Variants in AGAP1 observed in about 807,000 individuals in gnomAD.
AGAP1 encodes ArfGAP with GTPase domain, ankyrin repeat and PH domain 1, also known as arf-GAP with GTPase, ANK repeat and PH domain-containing protein 1.
A neutral mutation model predicts 105.3 loss-of-function variants in AGAP1; 29 were observed. That is an observed-to-expected ratio of 0.28 (90% CI 0.21 to 0.38). AGAP1 has a LOEUF of 0.38. AGAP1 is among the 10% of genes least tolerant of loss of function. The pLI is 1.00. For synonymous variants in AGAP1, 509 were observed against 485.9 expected (o/e 1.05, Z -0.63); for missense variants, 998 against 1,165.1 (o/e 0.86, Z 2.09).
intron 1 of AGAP1, among the ~76,000 whole-genome samples, chr2:235,502,987 T>C (rs1366959623): frequency 6.6e-6 from 1 of 152,158 alleles, no homozygotes; most frequent in Non-Finnish European, 1.5e-5. Flanking sequence ...TGACTTGTAG[T>C]ATGGAGGATA....
chr2:235,870,205 T>C (rs1354582811), intron 9 of AGAP1, among the ~76,000 whole-genome samples: 3 of 152,130 alleles, frequency 2.0e-5, no homozygotes, highest in Non-Finnish European at 2.9e-5. Context: ...TTCATGGCCT[T>C]GTCGTCTACA....
chr2:235,848,871 C>T (rs1961828124), intron 9 of AGAP1, among the ~76,000 whole-genome samples: 1 of 152,120 alleles, frequency 6.6e-6, no homozygotes, highest in African/African-American at 2.4e-5. Context: ...GAATTGTATT[C>T]GGGGCTGCTT....
chr2:236,033,414 C>G (rs986536529), intron 13 of AGAP1, among the ~76,000 whole-genome samples: 5 of 152,174 alleles, frequency 3.3e-5, no homozygotes, highest in African/African-American at 9.7e-5. Context: ...CATAATTAAT[C>G]GGGCAGAGCC....
At position 235,752,336 on chromosome 2, in the gene AGAP1, C is replaced by G. The variant is rs756833201; in HGVS notation, c.673+1848C>G. ...GGAATTACAGGTACACGCTGCCACA[C>G]CTGGCTAATTTTTTGCATTTTAGTA... On this transcript the variant is annotated intron_variant, in intron 6 of 17. Transcript: ENST00000304032. This position sits in a 1 kb window ranked among gnomAD's most constrained non-coding sequence, Gnocchi z 4.3. Among the ~76,000 whole-genome samples the G allele has an allele frequency of 3.9e-5, 6 of 151,998 alleles. No homozygotes were observed. The highest frequency in any genetic ancestry group is 5.9e-5 in the Non-Finnish European group (4 of 68,046).
intron 1 of AGAP1, among the ~76,000 whole-genome samples, chr2:235,707,217 C>T (rs980552677): frequency 6.6e-6 from 1 of 152,204 alleles, no homozygotes; most frequent in African/African-American, 2.4e-5. Flanking sequence ...TTCCTCAGGG[C>T]TCTTGGGCTT....
Position 235,723,476 on chromosome 2 carries a change from T to C in AGAP1, c.310+5832T>C, listed in dbSNP as rs182179832. Among the ~76,000 whole-genome samples, 134 of 151,746 alleles carry C rather than the reference T, an allele frequency of 8.8e-4. 3 individuals are homozygous for C. In the East Asian group the frequency reaches 0.021, roughly 24 times the overall value. On this transcript the variant is annotated intron_variant, in intron 3 of 17. Transcript: ENST00000304032. This position sits in a 1 kb window ranked among gnomAD's most constrained non-coding sequence, Gnocchi z 6.2. ...CTTCACCCCCTGCAGGTGGGGAGAG[T>C]GTGGCGTCCTCCTGAGATCTTTTCA...
In AGAP1 at chr2:236,114,683, C is replaced by T. The variant is rs528080398; in HGVS notation, c.2115-5509C>T. On this transcript the variant is annotated intron_variant, in intron 16 of 17. Coordinates refer to ENST00000304032, the MANE Select transcript of AGAP1 (RefSeq NM_001037131.3). The surrounding 1 kb of genome is among the most constrained non-coding windows in gnomAD (Gnocchi z 5.0). ...ATCACCAGTGTCTCGTCCTCTTATA[C>T]GGGCACCTGGCTTATTGAATTAGGG... Among the ~76,000 whole-genome samples, 5 of 152,148 alleles carry T rather than the reference C, an allele frequency of 3.3e-5. No individual in the cohort carries two copies. The highest frequency in any genetic ancestry group is 6.5e-5 in the Admixed American group (1 of 15,282).
rs1239521779 is a variant in AGAP1, at chr2:236,082,510, G to A, written c.2114+33229G>A. Among the ~76,000 whole-genome samples the A allele has an allele frequency of 1.3e-5, 2 of 152,186 alleles. No homozygotes were observed. The highest frequency in any genetic ancestry group is 2.9e-5 in the Non-Finnish European group (2 of 68,040). The stretch of plus-strand genomic sequence containing the variant: ...TCGATCCCCTCCAGAAAGGAAGATG[G>A]TTCCCAAAAGGCCTATCAGGGGCAA... On this transcript the variant is annotated intron_variant, in intron 16 of 17. Transcript: ENST00000304032. The surrounding 1 kb of genome is among the most constrained non-coding windows in gnomAD (Gnocchi z 4.2).
chr2:235,618,573 G>C (rs925255233), intron 1 of AGAP1, among the ~76,000 whole-genome samples: 1 of 152,002 alleles, frequency 6.6e-6, no homozygotes, highest in African/African-American at 2.4e-5. Context: ...AGATGAAAAG[G>C]CTTTAGTTAT....
intron 9 of AGAP1, among the ~76,000 whole-genome samples, chr2:235,863,682 T>G (rs1220752896): frequency 6.6e-6 from 1 of 152,198 alleles, no homozygotes; most frequent in African/African-American, 2.4e-5. Context: ...CATGGCTAAC[T>G]ACGGGTCGCT....
intron 1 of AGAP1, among the ~76,000 whole-genome samples, chr2:235,501,201 G>A (rs1941547799): frequency 6.6e-6 from 1 of 152,186 alleles, no homozygotes; most frequent in Non-Finnish European, 1.5e-5. Flanking sequence ...GCGTTTCTGC[G>A]ACACGGTGGC....
chr2:235,897,169 G>A (rs963786586), intron 10 of AGAP1, among the ~76,000 whole-genome samples: 4 of 152,028 alleles, frequency 2.6e-5, no homozygotes, highest in Non-Finnish European at 5.9e-5. Flanking sequence ...TGCAACCTCT[G>A]TCTCCAGGGT....
At chr2:235,903,243 T>C (rs559094906) in intron 10 of AGAP1, among the ~76,000 whole-genome samples, 2 of 152,360 alleles carry the variant, frequency 1.3e-5, no homozygotes, top group South Asian at 2.1e-4. Flanking sequence ...ATTATTTTTT[T>C]CCATCATTTA....
rs1575492389 is a variant in AGAP1, at chr2:235,797,808, A to G, written c.723A>G (p.Gly241=). 3.7e-6 allele frequency: 6 copies of G among 1,613,966 alleles called. No individual in the cohort carries two copies. In the East Asian group the frequency reaches 8.9e-5, roughly 24 times the overall value. Residue 241 remains glycine, a synonymous_variant, in exon 7 of 18, where the codon GGA becomes GGG. Coordinates refer to ENST00000304032, the MANE Select transcript of AGAP1 (RefSeq NM_001037131.3). ...GGAAGAAGCAGCAGCTGTCCATAGG[A>G]CCCTGCAAGTCGCTACCTAATTCTC... ...ATRKKQQLSI[G]PCKSLPNSPS...
rs981280886 is a variant in AGAP1, at chr2:235,992,293, G to A, written c.1645+23670G>A. On this transcript the variant is annotated intron_variant, in intron 13 of 17. Coordinates refer to ENST00000304032, the MANE Select transcript of AGAP1 (RefSeq NM_001037131.3). The surrounding 1 kb of genome is among the most constrained non-coding windows in gnomAD (Gnocchi z 4.8). ...TTGCAGCTCCACCTCTTCCTGGCGGGTGGCCTGGGCGAGTGCCTCACGCTC... is the reference window on the plus strand; with the variant it reads ...TTGCAGCTCCACCTCTTCCTGGCGGATGGCCTGGGCGAGTGCCTCACGCTC... 3.9e-5 allele frequency among the ~76,000 whole-genome samples: 6 copies of A among 152,226 alleles called. No homozygotes were observed. Among genetic ancestry groups the A allele is most frequent in the African/African-American group, 1.4e-4 (6 of 41,470 alleles).
At chr2:235,537,166 A>G (rs1381247862) in intron 1 of AGAP1, among the ~76,000 whole-genome samples, 1 of 152,244 alleles carries the variant, frequency 6.6e-6, no homozygotes, top group Admixed American at 6.5e-5. Context: ...ACAATTTAGT[A>G]AAACATACGG....
chr2:235,645,507 T>A (rs758315484), intron 1 of AGAP1, among the ~76,000 whole-genome samples: 1 of 152,156 alleles, frequency 6.6e-6, no homozygotes, highest in Non-Finnish European at 1.5e-5. Context: ...TGGAAAGAGA[T>A]GCTTCTGCTT....
At chr2:235,672,037 C>T (rs1249420788) in intron 1 of AGAP1, among the ~76,000 whole-genome samples, 2 of 149,966 alleles carry the variant, frequency 1.3e-5, no homozygotes, top group African/African-American at 5.1e-5. Flanking sequence ...AGAGGCCATG[C>T]ATTTTTACCA....
chr2:235,773,837 C>G, intron 6 of AGAP1: 2 of 430,554 alleles, frequency 4.6e-6, no homozygotes, highest in East Asian at 7.1e-5. Context: ...GTCCTTGCAC[C>G]AAAAAAAGAA....
Sources: allele counts gnomAD v4.1 joint callset (sites outside exome capture counted in the v4.1 genomes callset), GRCh38; gene constraint gnomAD v4.1.1; non-coding constraint Gnocchi (gnomAD v3.1); transcripts MANE v1.5; gene names NCBI Gene and HGNC (gene_info 2026-07-23, HGNC 2026-07-21).